KIF20B: variants seen among roughly 807,000 people sequenced by gnomAD.
The protein encoded by KIF20B is kinesin-like protein KIF20B.
KIF20B carries 188 observed loss-of-function variants against 232.5 expected under a neutral mutation model. The observed-to-expected ratio is 0.81, with a 90% CI of 0.72 to 0.91. The LOEUF (loss-of-function observed/expected upper bound fraction) is 0.91, where lower values mean the gene tolerates loss of function less well. Ranked by LOEUF, KIF20B falls within the 40% of genes least tolerant of loss-of-function variation. KIF20B has a pLI of 0.00. For synonymous variants in KIF20B, 712 were observed against 683.0 expected, an observed-to-expected ratio of 1.04 and a Z score of -0.66; for missense variants, 2,154 against 2,055.9, an observed-to-expected ratio of 1.05 and a Z score of -0.92.
chr10:89,763,692 C>T (rs1842291854), intron 29 of KIF20B, among the ~76,000 whole-genome samples: 1 of 152,012 alleles, frequency 6.6e-6, no homozygotes, highest in Non-Finnish European at 1.5e-5. Flanking sequence ...CCTACCATGT[C>T]CTAGATGTGG....
At chr10:89,715,580 C>T (rs1842919665) in intron 8 of KIF20B, among the ~76,000 whole-genome samples, 1 of 152,100 alleles carries the variant, frequency 6.6e-6, no homozygotes, top group Non-Finnish European at 1.5e-5. Context: ...CATCATGATT[C>T]AGTACCTACA....
At chr10:89,732,163 G>T (rs201776102) in intron 18 of KIF20B, among the ~76,000 whole-genome samples, 2 of 149,128 alleles carry the variant, frequency 1.3e-5, no homozygotes, top group Admixed American at 1.3e-4. Flanking sequence ...TCATCACTCT[G>T]TTGCCCAGGC....
rs1842428166 is a variant in KIF20B, at chr10:89,769,568, A to AT, written c.5242+682dup. 3.3e-5 allele frequency among the ~76,000 whole-genome samples: 5 copies of AT among 152,100 alleles called. No homozygotes were observed. The South Asian group carries it at 1.0e-3, about 32-fold the overall frequency. On this transcript the variant is annotated intron_variant, in intron 31 of 32. Coordinates refer to ENST00000371728, the MANE Select transcript of KIF20B (RefSeq NM_001284259.2). ...TTTATGTACAATATGTCAAAAACAC[A>AT]TTATTTTCATAAATACCTATTGAGT...
intron 19 of KIF20B, among the ~76,000 whole-genome samples, chr10:89,735,984 A>T (rs1841643166): frequency 6.6e-6 from 1 of 152,234 alleles, no homozygotes; most frequent in Admixed American, 6.5e-5. Context: ...CATAGTGAGG[A>T]TATCACATAA....
intron 13 of KIF20B, 88 bp downstream of exon 13, chr10:89,719,794 T>C: frequency 6.3e-6 from 7 of 1,112,888 alleles, no homozygotes; most frequent in Non-Finnish European, 8.9e-6. Context: ...TCAGTTTTTT[T>C]CAACAGTACA....
At chr10:89,770,796 A>G (rs896386696) in intron 31 of KIF20B, among the ~76,000 whole-genome samples, 21 of 151,990 alleles carry the variant, frequency 1.4e-4, no homozygotes, top group African/African-American at 4.8e-4. Flanking sequence ...ACTTAGTATC[A>G]CTGGTCTCCC....
intron 16 of KIF20B, 142 bp from the exon 17 acceptor site, chr10:89,727,714 G>T (rs969492661): frequency 7.4e-6 from 5 of 671,444 alleles, no homozygotes; most frequent in Admixed American, 4.0e-5. Flanking sequence ...AATGAGTAGG[G>T]TGTGCTTCTA....
chr10:89,707,582 T>C (rs945179381), intron 2 of KIF20B, among the ~76,000 whole-genome samples: 10 of 151,746 alleles, frequency 6.6e-5, no homozygotes, highest in Non-Finnish European at 1.5e-4. Flanking sequence ...CTTTTACCTT[T>C]CTTTTTCCTT....
intron 6 of KIF20B, among the ~76,000 whole-genome samples, chr10:89,712,897 A>G (rs1294256512): frequency 6.6e-6 from 1 of 152,154 alleles, no homozygotes; most frequent in Non-Finnish European, 1.5e-5. Context: ...TTTTTAAAAC[A>G]TTTAGAAACC....
At chr10:89,773,652 A>G (rs1434408256) in intron 32 of KIF20B, among the ~76,000 whole-genome samples, 1 of 151,996 alleles carries the variant, frequency 6.6e-6, no homozygotes, top group Non-Finnish European at 1.5e-5. Context: ...TGTTGCCACG[A>G]AAGATCATTT....
chr10:89,716,549 TAA>T lies in KIF20B; in HGVS notation c.1052+4_1052+5del, dbSNP rs1205674884. Reference sequence around the variant, plus strand: ...ATTGAATAATGCTTCCAGTAGAAGGTAAAGAATAAACTCTGTAAGAGTAAACT... The same window carrying T: ...ATTGAATAATGCTTCCAGTAGAAGGTAGAATAAACTCTGTAAGAGTAAACT... On this transcript the variant is annotated splice_donor_region_variant and intron_variant, in intron 9 of 32. Transcript: ENST00000371728. The T allele has an allele frequency of 7.3e-7, 1 of 1,376,434 alleles. No individual in the cohort carries two copies. The highest frequency in any genetic ancestry group is 1.9e-5 in the Admixed American group (1 of 53,300). The allele number at this position is 1,376,434 out of a possible 1,614,324, so 85.3% of individuals were successfully genotyped here. A position where few individuals can be genotyped will look rare whatever the true frequency, so the allele number is the denominator to read the frequency against.
chr10:89,759,815 GTCTT>G (rs1490342964), intron 27 of KIF20B, among the ~76,000 whole-genome samples: 4 of 152,132 alleles, frequency 2.6e-5, no homozygotes, highest in Non-Finnish European at 4.4e-5. Context: ...ATTCAGTAGA[GTCTT>G]TCTTATTTGG....
In KIF20B at chr10:89,768,327, C is replaced by T; in HGVS notation, c.5027C>T (p.Pro1676Leu). The T allele has an allele frequency of 1.3e-6, 2 of 1,587,372 alleles. No individual in the cohort carries two copies. The highest frequency in any genetic ancestry group is 1.7e-6 in the Non-Finnish European group (2 of 1,165,112). Residue 1676 changes from proline (P) to leucine (L), a missense_variant, in exon 30 of 33, where the codon CCC becomes CTC. Pro to Leu is a moderately conservative substitution (Grantham distance 98). Coordinates refer to ENST00000371728, the MANE Select transcript of KIF20B (RefSeq NM_001284259.2). ...VKCENKKNAT[P>L]RTNLKFPISD... is the part of the protein sequence containing the mutation. ...TGTGAAAATAAGAAGAATGCTACAC[C>T]CAGAACTAATTTGAAATTTCCTATT...
At chr10:89,739,192 T>G in intron 21 of KIF20B, 96 bp downstream of exon 21, 2 of 1,268,358 alleles carry the variant, frequency 1.6e-6, no homozygotes, top group South Asian at 1.4e-5. Context: ...GAATAGAACA[T>G]TTATCCACTT....
intron 23 of KIF20B, among the ~76,000 whole-genome samples, chr10:89,746,467 A>T (rs1009380482): frequency 6.6e-6 from 1 of 152,124 alleles, no homozygotes; most frequent in East Asian, 1.9e-4. Context: ...CTCACAGTAG[A>T]TGGCCTGCCA....
At chr10:89,722,169 A>G (rs1023261224) in intron 13 of KIF20B, among the ~76,000 whole-genome samples, 1 of 152,176 alleles carries the variant, frequency 6.6e-6, no homozygotes, top group African/African-American at 2.4e-5. Context: ...CTGCCTTGCA[A>G]AGCGCTGGGA....
chr10:89,719,107 T>C (rs1208276819), intron 12 of KIF20B, among the ~76,000 whole-genome samples: 1 of 152,210 alleles, frequency 6.6e-6, no homozygotes, highest in Non-Finnish European at 1.5e-5. Context: ...TGAGTATTTT[T>C]GGAATGAATT....
At chr10:89,715,416 G>T (rs1194950646) in intron 8 of KIF20B, among the ~76,000 whole-genome samples, 1 of 151,396 alleles carries the variant, frequency 6.6e-6, no homozygotes, top group Non-Finnish European at 1.5e-5. Flanking sequence ...TGGATTTGTG[G>T]TGATGGGAAA....
intron 1 of KIF20B, among the ~76,000 whole-genome samples, chr10:89,703,082 T>TA (rs1380348995): frequency 6.6e-6 from 1 of 152,116 alleles, no homozygotes; most frequent in African/African-American, 2.4e-5. Flanking sequence ...TTCAGCAATT[T>TA]AAAAGATTTA....
Sources: allele counts gnomAD v4.1 joint callset (sites outside exome capture counted in the v4.1 genomes callset), GRCh38; gene constraint gnomAD v4.1.1; transcripts MANE v1.5; gene names NCBI Gene and HGNC (gene_info 2026-07-23, HGNC 2026-07-21).